Variants in ITPR3 observed in about 807,000 individuals in gnomAD.
The protein encoded by ITPR3 is inositol 1,4,5-trisphosphate receptor type 3, also known as inositol 1,4,5-trisphosphate-gated calcium channel ITPR3.
Under a neutral mutation model 293.2 loss-of-function variants are expected in ITPR3, and 173 were observed. That is an observed-to-expected ratio of 0.59 (90% CI 0.52 to 0.67). ITPR3 has a LOEUF of 0.67. Ranked by LOEUF, ITPR3 falls within the 30% of genes least tolerant of loss-of-function variation. ITPR3 has a pLI of 0.00. For synonymous variants in ITPR3, 1,295 were observed against 1,444.4 expected (o/e 0.90, Z 2.35); for missense variants, 2,796 against 3,592.1 (o/e 0.78, Z 5.66).
intron 28 of ITPR3, 79 bp from the exon 29 acceptor site, chr6:33,678,342 T>A (rs2127295962): frequency 6.5e-4 from 886 of 1,365,912 alleles, no homozygotes; most frequent in East Asian, 9.9e-4. Flanking sequence ...GACCCACCCC[T>A]GCTCCTGTCA....
At chr6:33,646,146 T>G (rs1413066304) in intron 2 of ITPR3, among the ~76,000 whole-genome samples, 1 of 152,136 alleles carries the variant, frequency 6.6e-6, no homozygotes, top group East Asian at 1.9e-4. Context: ...GAAAATGTAC[T>G]CTTATTCCTT....
intron 13 of ITPR3, 24 bp from the exon 14 acceptor site, chr6:33,665,811 T>C: frequency 6.2e-7 from 1 of 1,612,922 alleles, no homozygotes; most frequent in Non-Finnish European, 8.5e-7. Flanking sequence ...CTCACACTCG[T>C]CATCCCCGGG....
In ITPR3 at chr6:33,684,679, A is replaced by G. The variant is rs142457410; in HGVS notation, c.5128A>G (p.Ile1710Val). ...CTCGCGGGGGGACCTTCCCGACCCC[A>G]TAGGCACTGGTCAGTATCACCTTCC... ...STSRGDLPDPIGTGLDPDWSA... is the reference protein window; with the variant it reads ...STSRGDLPDPVGTGLDPDWSA... The change falls in exon 38 of 58, where the codon ATA (isoleucine) becomes GTA (valine). Residue 1710 changes from isoleucine (I) to valine (V), a missense_variant. Transcript: ENST00000605930. The surrounding 1 kb of genome is among the most constrained non-coding windows in gnomAD (Gnocchi z 4.2). 6.2e-7 allele frequency: 1 copy of G among 1,613,946 alleles called. No individual in the cohort carries two copies. Among genetic ancestry groups the G allele is most frequent in the South Asian group, 1.1e-5 (1 of 91,060 alleles).
In ITPR3 at chr6:33,679,317, C is replaced by T. The variant is rs957749172; in HGVS notation, c.3972+478C>T. The stretch of plus-strand genomic sequence containing the variant: ...CTGTTGAGTGAAGGCACGAAGGATA[C>T]AGGGCTGAGTCTAAATCTGGAACAG... On this transcript the variant is annotated intron_variant, in intron 30 of 57. Coordinates refer to ENST00000605930, the MANE Select transcript of ITPR3 (RefSeq NM_002224.4). This position sits in a 1 kb window ranked among gnomAD's most constrained non-coding sequence, Gnocchi z 4.2. Among the ~76,000 whole-genome samples, 1 of 152,078 alleles carries T rather than the reference C, an allele frequency of 6.6e-6. No homozygotes were observed. Among genetic ancestry groups the T allele is most frequent in the African/African-American group, 2.4e-5 (1 of 41,396 alleles).
rs761260311 is a variant in ITPR3, at chr6:33,684,898, C to T, written c.5262C>T (p.Ile1754=). ...ACGAGAAGATCTTCCAGGAGAGCAT[C>T]GGCCTGGCCATCCACCTGCTGGATG... ...TKNEKIFQES[I]GLAIHLLDGG... Residue 1754 remains isoleucine, a synonymous_variant, in exon 39 of 58, where the codon ATC becomes ATT. Transcript: ENST00000605930. The surrounding 1 kb of genome is among the most constrained non-coding windows in gnomAD (Gnocchi z 4.2). 20 of 1,613,726 alleles carry T rather than the reference C, an allele frequency of 1.2e-5. No homozygotes were observed. Among genetic ancestry groups the T allele is most frequent in the East Asian group, 4.5e-5 (2 of 44,880 alleles).
rs144419158 is a variant in ITPR3 at position 33,669,310 on chromosome 6, C to T, written c.2189+154C>T. On this transcript the variant is annotated intron_variant, in intron 18 of 57. Transcript: ENST00000605930. ...AGTCCCTGCTGTCACTCCCCTGCCA[C>T]GAAGCCTCATTCCAGGAAGGCTGAG... Among the ~76,000 whole-genome samples the T allele has an allele frequency of 1.7e-4, 26 of 152,348 alleles. No homozygotes were observed. In the East Asian group the frequency reaches 3.9e-3, roughly 23 times the overall value.
At position 33,658,183 on chromosome 6, in the gene ITPR3, G is replaced by T. The variant is rs1429942127; in HGVS notation, c.369+165G>T. On this transcript the variant is annotated intron_variant, in intron 4 of 57. Transcript: ENST00000605930. This position sits in a 1 kb window ranked among gnomAD's most constrained non-coding sequence, Gnocchi z 6.1. ...TGTGGCTGTGCGTCTGACTGTGTGT[G>T]TGTCTGTTGCTGTGTGGCCTGAGTA... 6.6e-6 allele frequency among the ~76,000 whole-genome samples: 1 copy of T among 152,144 alleles called. No homozygotes were observed.
Position 33,684,301 on chromosome 6 carries a change from G to A in ITPR3, c.4938-56G>A, listed in dbSNP as rs543181868. 7.0e-5 allele frequency: 112 copies of A among 1,595,472 alleles called. No homozygotes were observed. In the South Asian group the frequency reaches 1.1e-3, roughly 16 times the overall value. On this transcript the variant is annotated intron_variant, in intron 36 of 57. Transcript: ENST00000605930. The surrounding 1 kb of genome is among the most constrained non-coding windows in gnomAD (Gnocchi z 4.2). ...TTCCTGCCTGGGATGGGGTGGGGAA[G>A]TAGCTGGAGGGAGGCAGTGTGGGGC... is the stretch of plus-strand genomic sequence containing the variant.
Position 33,632,724 on chromosome 6 carries a change from C to T in ITPR3, c.90-7760C>T, listed in dbSNP as rs1763711136. Among the ~76,000 whole-genome samples the T allele has an allele frequency of 6.6e-6, 1 of 152,258 alleles. No homozygotes were observed. Among genetic ancestry groups the T allele is most frequent in the Non-Finnish European group, 1.5e-5 (1 of 68,050 alleles). On this transcript the variant is annotated intron_variant, in intron 1 of 57. Coordinates refer to ENST00000605930, the MANE Select transcript of ITPR3 (RefSeq NM_002224.4). The surrounding 1 kb of genome is among the most constrained non-coding windows in gnomAD (Gnocchi z 4.1). The stretch of plus-strand genomic sequence containing the variant: ...CTCTGCTGTTCAGACTGGTCTTGTG[C>T]CTCCCAGTGGATGGAAGGCGCACTG...
chr6:33,626,428 A>T (rs1763551554), intron 1 of ITPR3, among the ~76,000 whole-genome samples: 1 of 152,138 alleles, frequency 6.6e-6, no homozygotes, highest in Non-Finnish European at 1.5e-5. Flanking sequence ...GATTTTTAAA[A>T]AGTTCTCCAG....
intron 41 of ITPR3, 105 bp downstream of exon 41, chr6:33,685,932 G>T: frequency 6.6e-7 from 1 of 1,510,232 alleles, no homozygotes; most frequent in Non-Finnish European, 9.0e-7. Flanking sequence ...CCTGCCCTGG[G>T]CACTGCTGCT....
rs190135313 is a variant in ITPR3, at chr6:33,671,122, C to T, written c.2587-43C>T. 907 of 1,608,848 alleles carry T rather than the reference C, an allele frequency of 5.6e-4. 5 individuals are homozygous for T. In the East Asian group the frequency reaches 0.015, roughly 27 times the overall value. ...CCCTCCACGAAGCCCCGCCCCTACG[C>T]GCCGGCCCCTCCCACCTCACCTCGG... is the stretch of plus-strand genomic sequence containing the variant. On this transcript the variant is annotated intron_variant, in intron 20 of 57. Transcript: ENST00000605930.
intron 1 of ITPR3, among the ~76,000 whole-genome samples, chr6:33,639,800 G>A (rs1417511499): frequency 1.3e-5 from 2 of 152,110 alleles, no homozygotes; most frequent in Non-Finnish European, 2.9e-5. Flanking sequence ...TGGGTGGATA[G>A]ATGGATGGGT....
In ITPR3 at chr6:33,683,504, C is replaced by A; in HGVS notation, c.4788+107C>A. 1 of 965,028 alleles carries A rather than the reference C, an allele frequency of 1.0e-6. No homozygotes were observed. The highest frequency in any genetic ancestry group is 1.5e-6 in the Non-Finnish European group (1 of 674,116). 59.8% of individuals were successfully genotyped at this position (965,028 alleles called of 1,614,324 possible). A position where few individuals can be genotyped will look rare whatever the true frequency, so the allele number is the denominator to read the frequency against. On this transcript the variant is annotated intron_variant, in intron 35 of 57. Coordinates refer to ENST00000605930, the MANE Select transcript of ITPR3 (RefSeq NM_002224.4). This position sits in a 1 kb window ranked among gnomAD's most constrained non-coding sequence, Gnocchi z 4.5. ...TCGGGGAGTGTTTCTTCCTGTCCTG[C>A]CCACACTTCCAGGAAGGGGCTGGTT...
At position 33,682,376 on chromosome 6, in the gene ITPR3, T is replaced by C; in HGVS notation, c.4477-148T>C. On this transcript the variant is annotated intron_variant, in intron 33 of 57. Coordinates refer to ENST00000605930, the MANE Select transcript of ITPR3 (RefSeq NM_002224.4). The surrounding 1 kb of genome is among the most constrained non-coding windows in gnomAD (Gnocchi z 5.4). ...ACTGCTGAAGGGAATACAAGTACCT[T>C]TTTCCAACTGGCACAGAGGCACATG... 1.1e-6 allele frequency: 1 copy of C among 932,014 alleles called. No homozygotes were observed. The highest frequency in any genetic ancestry group is 1.6e-6 in the Non-Finnish European group (1 of 645,052). The allele number at this position is 932,014 out of a possible 1,614,324, so 57.7% of individuals were successfully genotyped here. A position where few individuals can be genotyped will look rare whatever the true frequency, so the allele number is the denominator to read the frequency against.
chr6:33,670,627 G>C lies in ITPR3; in HGVS notation c.2442-44G>C, dbSNP rs771618601. Reference sequence around the variant, plus strand: ...CGGGGCAGGGGCAGAGGCTGGAGTGGGTGTATCTCGGGGACCTTCATGCCT... The same window carrying C: ...CGGGGCAGGGGCAGAGGCTGGAGTGCGTGTATCTCGGGGACCTTCATGCCT... On this transcript the variant is annotated intron_variant, in intron 19 of 57. Transcript: ENST00000605930. The surrounding 1 kb of genome is among the most constrained non-coding windows in gnomAD (Gnocchi z 6.7). 2 of 1,613,156 alleles carry C rather than the reference G, an allele frequency of 1.2e-6. No individual in the cohort carries two copies. Among genetic ancestry groups the C allele is most frequent in the South Asian group, 2.2e-5 (2 of 91,054 alleles).
rs201719793 is a variant in ITPR3, at chr6:33,627,237, T to TA, written c.89+5555dup. Among the ~76,000 whole-genome samples the TA allele has an allele frequency of 2.8e-4, 11 of 39,006 alleles. No individual in the cohort carries two copies. The Admixed American group carries it at 3.2e-3, about 12-fold the overall frequency. 25.6% of individuals were successfully genotyped at this position (39,006 alleles called of 152,430 possible). A position where few individuals can be genotyped will look rare whatever the true frequency, so the allele number is the denominator to read the frequency against. On this transcript the variant is annotated intron_variant, in intron 1 of 57. Transcript: ENST00000605930. The stretch of plus-strand genomic sequence containing the variant: ...TGAAAATATATATATTTTTTCAGAT[T>TA]AAAAAAAAATATACATTCCATGGAG...
Position 33,686,215 on chromosome 6 carries a change from C to T in ITPR3, c.5830C>T (p.Leu1944Phe). Residue 1944 changes from leucine to phenylalanine, a missense_variant, in exon 42 of 58, where the codon CTC becomes TTC. Physicochemically the swap from Leu to Phe is conservative, Grantham distance 22 (BLOSUM62 0). Transcript: ENST00000605930. ...VGLVIQTLET[L>F]TEYCQGPCHE... ...CCTCGTCATCCAGACCTTGGAGACC[C>T]TCACTGAGTACTGCCAGGGCCCCTG... The T allele has an allele frequency of 6.2e-7, 1 of 1,613,956 alleles. No homozygotes were observed. The highest frequency in any genetic ancestry group is 8.5e-7 in the Non-Finnish European group (1 of 1,179,984).
chr6:33,684,782 C>T lies in ITPR3; in HGVS notation c.5146C>T (p.Pro1716Ser), dbSNP rs763068971. The T allele has an allele frequency of 3.1e-6, 5 of 1,611,826 alleles. No homozygotes were observed. The highest frequency in any genetic ancestry group is 2.7e-5 in the African/African-American group (2 of 74,932). ...LPDPIGTGLD[P>S]DWSAIAATQC... is the part of the protein sequence containing the mutation. ...CCGAGTCCCGCCTCCAGGCCTGGAC[C>T]CAGACTGGTCGGCAATCGCAGCCAC... The change falls in exon 39 of 58, where the codon CCA becomes TCA. Residue 1716 changes from proline to serine, a missense_variant. Pro to Ser is a moderately conservative substitution (Grantham distance 74). Coordinates refer to ENST00000605930, the MANE Select transcript of ITPR3 (RefSeq NM_002224.4). This position sits in a 1 kb window ranked among gnomAD's most constrained non-coding sequence, Gnocchi z 4.2.
Sources: allele counts gnomAD v4.1 joint callset (sites outside exome capture counted in the v4.1 genomes callset), GRCh38; gene constraint gnomAD v4.1.1; non-coding constraint Gnocchi (gnomAD v3.1); transcripts MANE v1.5; gene names NCBI Gene and HGNC (gene_info 2026-07-23, HGNC 2026-07-21).